The following PRKAG2 variants were observed in gnomAD, a reference collection of about 807,000 sequenced individuals.
PRKAG2 encodes the protein protein kinase AMP-activated non-catalytic subunit gamma 2, also known as 5'-AMP-activated protein kinase subunit gamma-2.
In PRKAG2, 26 loss-of-function variants were observed where a neutral mutation model predicts 69.6. The observed-to-expected ratio is 0.37, with a 90% CI of 0.27 to 0.52. The LOEUF (loss-of-function observed/expected upper bound fraction) is 0.52. Ranked by LOEUF, PRKAG2 falls within the 20% of genes least tolerant of loss-of-function variation. The pLI is 0.90. For missense variants in PRKAG2, 557 were observed against 740.0 expected, an observed-to-expected ratio of 0.75 and a Z score of 2.87; for synonymous variants, 293 against 285.0, an observed-to-expected ratio of 1.03 and a Z score of -0.28.
chr7:151,733,836 T>C (rs748971534), intron 3 of PRKAG2, among the ~76,000 whole-genome samples: 7 of 151,970 alleles, frequency 4.6e-5, no homozygotes, highest in Non-Finnish European at 8.8e-5. Context: ...GCTGGGACCA[T>C]GGGTGTGCAC....
At chr7:151,649,729 G>A (rs1001310185) in intron 4 of PRKAG2, among the ~76,000 whole-genome samples, 3 of 152,104 alleles carry the variant, frequency 2.0e-5, no homozygotes, top group Non-Finnish European at 4.4e-5. Context: ...CTCCCGCCAC[G>A]TGAGGTATGT....
chr7:151,626,518 T>C (rs551170075), intron 5 of PRKAG2, among the ~76,000 whole-genome samples: 2 of 152,088 alleles, frequency 1.3e-5, no homozygotes, highest in Non-Finnish European at 2.9e-5. Context: ...AGGGTAGAGT[T>C]TGGAAAGCAG....
chr7:151,574,848 A>G (rs778926361), intron 8 of PRKAG2, 43 bp downstream of exon 8: 3 of 1,613,300 alleles, frequency 1.9e-6, no homozygotes, highest in Non-Finnish European at 2.5e-6. Flanking sequence ...ATACATAGAT[A>G]CGTACAGCTC....
chr7:151,830,909 T>C (rs1727413329), intron 1 of PRKAG2, among the ~76,000 whole-genome samples: 3 of 151,956 alleles, frequency 2.0e-5, no homozygotes, highest in Admixed American at 2.0e-4. Flanking sequence ...AATCCTTTCT[T>C]TTAGGTGAAG....
At chr7:151,737,501 G>A (rs757292079) in intron 3 of PRKAG2, among the ~76,000 whole-genome samples, 11 of 152,176 alleles carry the variant, frequency 7.2e-5, no homozygotes, top group South Asian at 2.1e-4. Context: ...TCTTCTGGCC[G>A]CCCACTAGGG....
intron 1 of PRKAG2, among the ~76,000 whole-genome samples, chr7:151,821,483 G>A (rs1447253580): frequency 6.6e-6 from 1 of 152,220 alleles, no homozygotes; most frequent in Non-Finnish European, 1.5e-5. Context: ...ACCTAAAACA[G>A]CCTCAATGGC....
intron 3 of PRKAG2, among the ~76,000 whole-genome samples, chr7:151,681,224 G>A (rs1833842782): frequency 6.6e-6 from 1 of 152,130 alleles, no homozygotes; most frequent in African/African-American, 2.4e-5. Flanking sequence ...GAGATGAGAA[G>A]GTGGACTGTT....
chr7:151,570,096 GTCTT>G (rs1807196816), intron 10 of PRKAG2, 71 bp downstream of exon 10: 19 of 1,506,192 alleles, frequency 1.3e-5, no homozygotes, highest in Middle Eastern at 1.8e-4. Flanking sequence ...GTTTATTTGT[GTCTT>G]TCTTTCTATC....
intron 3 of PRKAG2, among the ~76,000 whole-genome samples, chr7:151,740,345 C>G (rs1272874569): frequency 6.6e-6 from 1 of 152,246 alleles, no homozygotes; most frequent in Non-Finnish European, 1.5e-5. Flanking sequence ...GAAACCCTCC[C>G]TCAGACCTCT....
Position 151,830,445 on chromosome 7 carries a change from G to A in PRKAG2, c.115-43904C>T, listed in dbSNP as rs760068672. ...CGAGGAGAGAAATAAGCCAAGCCCG[G>A]GGTCTGAGCAGGCTGCACCTGGCAT... is the stretch of plus-strand genomic sequence containing the variant. On this transcript the variant is annotated intron_variant, in intron 1 of 15. Coordinates refer to ENST00000287878, the MANE Select transcript of PRKAG2 (RefSeq NM_016203.4). Among the ~76,000 whole-genome samples the A allele has an allele frequency of 1.3e-5, 2 of 151,940 alleles. 1 individual carries two copies. The highest frequency in any genetic ancestry group is 4.1e-4 in the South Asian group (2 of 4,834).
intron 3 of PRKAG2, among the ~76,000 whole-genome samples, chr7:151,773,831 C>T (rs2076203558): frequency 6.6e-6 from 1 of 152,152 alleles, no homozygotes; most frequent in Non-Finnish European, 1.5e-5. Flanking sequence ...GCCACTCAGC[C>T]ACGTAATAAT....
intron 1 of PRKAG2, among the ~76,000 whole-genome samples, chr7:151,863,940 C>T (rs1317424112): frequency 1.3e-5 from 2 of 151,336 alleles, no homozygotes; most frequent in Non-Finnish European, 2.9e-5. Flanking sequence ...CAAATATGTC[C>T]ACCTGCCTTT....
intron 1 of PRKAG2, among the ~76,000 whole-genome samples, chr7:151,790,985 A>T (rs1326661113): frequency 6.6e-6 from 1 of 152,194 alleles, no homozygotes; most frequent in Non-Finnish European, 1.5e-5. Flanking sequence ...GGCAGGTCCC[A>T]CGCAGGTGTC....
chr7:151,876,434 G>A, intron 1 of PRKAG2, 73 bp downstream of exon 1: 1 of 1,458,492 alleles, frequency 6.9e-7, no homozygotes, highest in South Asian at 1.1e-5. Context: ...GGCGTCCAGC[G>A]TTAACCGCTT....
intron 1 of PRKAG2, among the ~76,000 whole-genome samples, chr7:151,805,052 T>C (rs2078033086): frequency 6.6e-6 from 1 of 152,230 alleles, no homozygotes; most frequent in Non-Finnish European, 1.5e-5. Flanking sequence ...GGTCCCTCCC[T>C]GCATACATGT....
rs1177704217 is a variant in PRKAG2 at position 151,788,256 on chromosome 7, C to T, written c.115-1715G>A. 6.6e-6 allele frequency among the ~76,000 whole-genome samples: 1 copy of T among 152,216 alleles called. No homozygotes were observed. The highest frequency in any genetic ancestry group is 2.4e-5 in the African/African-American group (1 of 41,456). On this transcript the variant is annotated intron_variant, in intron 1 of 15. Transcript: ENST00000287878. This position sits in a 1 kb window ranked among gnomAD's most constrained non-coding sequence, Gnocchi z 4.6. The stretch of plus-strand genomic sequence containing the variant: ...TTCAATTTCTCCACATCCTCATCAA[C>T]ACTTGTTATCTTTGGTCTTTGTTTT...
chr7:151,738,432 CCAAAACTGGCCA>C (rs1329509877), intron 3 of PRKAG2, among the ~76,000 whole-genome samples: 1 of 152,254 alleles, frequency 6.6e-6, no homozygotes, highest in Non-Finnish European at 1.5e-5. Flanking sequence ...TAAACTGGCC[CCAAAACTGGCCA>C]TAAACAAAAT....
chr7:151,839,306 G>A (rs980828639), intron 1 of PRKAG2, among the ~76,000 whole-genome samples: 3 of 152,326 alleles, frequency 2.0e-5, no homozygotes, highest in African/African-American at 7.2e-5. Flanking sequence ...AAGTGATGCT[G>A]GGGCAAGGCA....
intron 1 of PRKAG2, among the ~76,000 whole-genome samples, chr7:151,812,452 C>G (rs2078468759): frequency 6.6e-6 from 1 of 152,184 alleles, no homozygotes; most frequent in Non-Finnish European, 1.5e-5. Context: ...TAGTTAACAG[C>G]TGAGCTGAAA....
Sources: gnomAD v4.1 joint callset for allele counts (sites outside exome capture counted in the v4.1 genomes callset) on GRCh38, gnomAD v4.1.1 for gene constraint, Gnocchi (gnomAD v3.1) non-coding constraint, MANE v1.5 for transcripts, NCBI Gene and HGNC (gene_info 2026-07-23, HGNC 2026-07-21) for gene names.